Variants in BTBD9 observed in about 807,000 individuals in gnomAD.
The protein encoded by BTBD9 is BTB/POZ domain-containing protein 9.
In BTBD9, 49 loss-of-function variants were observed where a neutral mutation model predicts 64.3. The ratio of observed to expected loss-of-function variants is 0.76; its 90% CI spans 0.61 to 0.97. The LOEUF (loss-of-function observed/expected upper bound fraction) is 0.97. Among genes scored for constraint, BTBD9 ranks in the 50% least tolerant of loss-of-function variants. The probability of loss-of-function intolerance (pLI) is 0.00; values close to 1 mark genes in which losing one functional copy is unlikely to be tolerated. For synonymous variants in BTBD9, 260 were observed against 274.7 expected, an observed-to-expected ratio of 0.95 and a Z score of 0.53; for missense variants, 598 against 762.1, an observed-to-expected ratio of 0.78 and a Z score of 2.53.
chr6:38,183,207 G>A (rs553621058), intron 10 of BTBD9, among the ~76,000 whole-genome samples: 7 of 152,228 alleles, frequency 4.6e-5, no homozygotes, highest in South Asian at 4.2e-4. Context: ...GTCTCGATCT[G>A]ACCTCGTGAT....
chr6:38,305,676 G>C (rs376738095), intron 7 of BTBD9, among the ~76,000 whole-genome samples: 1 of 152,020 alleles, frequency 6.6e-6, no homozygotes, highest in African/African-American at 2.4e-5. Context: ...TAGAGATGGG[G>C]TTTCACCATG....
rs1340572743 is a variant in BTBD9, at chr6:38,169,985, G to C, written c.*5000C>G. On this transcript the variant is annotated 3_prime_UTR_variant, in exon 11 of 11. Transcript: ENST00000481247. ...GAAGCTCGCTGGGTGCAGCAGACTG[G>C]CCTGGGAGATGCCAGGGTGCTGGGT... 1 of 152,268 alleles carries C rather than the reference G, an allele frequency of 6.6e-6. No homozygotes were observed. Among genetic ancestry groups the C allele is most frequent in the Non-Finnish European group, 1.5e-5 (1 of 68,104 alleles). 9.4% of individuals were successfully genotyped at this position (152,268 alleles called of 1,614,324 possible).
At chr6:38,335,815 C>A (rs2127584647) in intron 7 of BTBD9, among the ~76,000 whole-genome samples, 1 of 152,278 alleles carries the variant, frequency 6.6e-6, no homozygotes, top group South Asian at 2.1e-4. Flanking sequence ...CTCACCGCAA[C>A]CTTTGCTTTC....
At chr6:38,639,216 T>C (rs940451998) in intron 1 of BTBD9, among the ~76,000 whole-genome samples, 1 of 152,196 alleles carries the variant, frequency 6.6e-6, no homozygotes, top group African/African-American at 2.4e-5. Context: ...AGGAAACACA[T>C]GCACATACAT....
At chr6:38,478,743 T>C (rs1314597250) in intron 6 of BTBD9, among the ~76,000 whole-genome samples, 2 of 152,192 alleles carry the variant, frequency 1.3e-5, no homozygotes, top group Non-Finnish European at 2.9e-5. Flanking sequence ...CCTGTTTTCC[T>C]TGGAGAAGGG....
chr6:38,464,542 C>G (rs1770255269), intron 6 of BTBD9, among the ~76,000 whole-genome samples: 1 of 152,122 alleles, frequency 6.6e-6, no homozygotes, highest in Non-Finnish European at 1.5e-5. Flanking sequence ...GTTGCCCAGG[C>G]TGGAGTCCAG....
intron 6 of BTBD9, among the ~76,000 whole-genome samples, chr6:38,353,788 T>C (rs563042785): frequency 2.0e-4 from 31 of 152,302 alleles, no homozygotes; most frequent in Non-Finnish European, 3.8e-4. Context: ...TCTAATGGAA[T>C]TGTGAACTAG....
chr6:38,446,179 G>A (rs980650082), intron 6 of BTBD9, among the ~76,000 whole-genome samples: 7 of 152,160 alleles, frequency 4.6e-5, no homozygotes, highest in Admixed American at 3.3e-4. Flanking sequence ...AAGTATGTGG[G>A]CAGCTGAAGA....
intron 6 of BTBD9, among the ~76,000 whole-genome samples, chr6:38,511,340 C>CT (rs34407005): frequency 0.085 from 9,180 of 107,546 alleles, 568 homozygotes; most frequent in Middle Eastern, 0.15. Flanking sequence ...TTGGAAATGC[C>CT]TTTTTTTTTT....
intron 6 of BTBD9, among the ~76,000 whole-genome samples, chr6:38,396,802 C>T (rs1035746372): frequency 4.0e-5 from 6 of 151,700 alleles, no homozygotes; most frequent in African/African-American, 1.5e-4. Context: ...TTAAACACGC[C>T]GCTTTTTATG....
chr6:38,530,770 A>T (rs1446373799), intron 6 of BTBD9, among the ~76,000 whole-genome samples: 4 of 151,996 alleles, frequency 2.6e-5, no homozygotes, highest in African/African-American at 9.7e-5. Context: ...TACCAGATAA[A>T]TTTAATGAAG....
intron 6 of BTBD9, among the ~76,000 whole-genome samples, chr6:38,532,850 G>A (rs1355860183): frequency 2.6e-5 from 4 of 151,772 alleles, no homozygotes; most frequent in Non-Finnish European, 4.4e-5. Context: ...GCTACAGGGA[G>A]AGACTCCTTC....
At chr6:38,448,745 T>C (rs1769386246) in intron 6 of BTBD9, among the ~76,000 whole-genome samples, 1 of 152,192 alleles carries the variant, frequency 6.6e-6, no homozygotes, top group African/African-American at 2.4e-5. Flanking sequence ...TTCCAACTCC[T>C]GGCCTCAAGT....
chr6:38,196,975 G>T (rs944223249), intron 9 of BTBD9, among the ~76,000 whole-genome samples: 1 of 152,200 alleles, frequency 6.6e-6, no homozygotes, highest in Admixed American at 6.5e-5. Context: ...AAAAACAAGG[G>T]ATTTAAAACA....
chr6:38,324,189 A>G (rs1763337073), intron 7 of BTBD9, among the ~76,000 whole-genome samples: 1 of 152,230 alleles, frequency 6.6e-6, no homozygotes, highest in Admixed American at 6.5e-5. Context: ...GAAAACAGAA[A>G]AAGAGGGAAA....
At chr6:38,431,075 C>T (rs1230421987) in intron 6 of BTBD9, among the ~76,000 whole-genome samples, 1 of 151,894 alleles carries the variant, frequency 6.6e-6, no homozygotes, top group Non-Finnish European at 1.5e-5. Flanking sequence ...TGAAGGGCCC[C>T]ATTCTTCAGT....
chr6:38,429,658 T>C (rs1768351125), intron 6 of BTBD9, among the ~76,000 whole-genome samples: 1 of 151,836 alleles, frequency 6.6e-6, no homozygotes, highest in Non-Finnish European at 1.5e-5. Flanking sequence ...AATAAAACCC[T>C]AAAGGAAAAT....
chr6:38,577,329 C>G (rs1251046000), intron 6 of BTBD9, among the ~76,000 whole-genome samples: 1 of 152,204 alleles, frequency 6.6e-6, no homozygotes, highest in African/African-American at 2.4e-5. Flanking sequence ...AAGCATTCCA[C>G]TTCTCAAATG....
chr6:38,286,689 C>T (rs939090057), intron 8 of BTBD9, among the ~76,000 whole-genome samples: 5 of 152,076 alleles, frequency 3.3e-5, no homozygotes, highest in Admixed American at 6.6e-5. Context: ...TAGTCAAGGA[C>T]GAACTGCATT....
Sources: gnomAD v4.1 joint callset for allele counts (sites outside exome capture counted in the v4.1 genomes callset) on GRCh38, gnomAD v4.1.1 for gene constraint, MANE v1.5 for transcripts, NCBI Gene and HGNC (gene_info 2026-07-23, HGNC 2026-07-21) for gene names.